Variants in STOX2 observed in about 807,000 individuals in gnomAD.
STOX2 encodes the protein storkhead-box protein 2.
STOX2 carries 28 observed loss-of-function variants against 60.9 expected under a neutral mutation model. The observed-to-expected ratio is 0.46, with a 90% CI of 0.34 to 0.63. The LOEUF (loss-of-function observed/expected upper bound fraction) is 0.63. Among genes scored for constraint, STOX2 ranks in the 30% least tolerant of loss-of-function variants. The pLI is 0.01. For missense variants in STOX2, 1,024 were observed against 1,187.7 expected (o/e 0.86, Z 2.03); for synonymous variants, 472 against 463.9 (o/e 1.02, Z -0.22).
At chr4:183,831,960 C>T (rs1450959237) in intron 1 of STOX2, among the ~76,000 whole-genome samples, 1 of 149,946 alleles carries the variant, frequency 6.7e-6, no homozygotes, top group Non-Finnish European at 1.5e-5. Context: ...CTGGTGAATT[C>T]TGCAGTTCAT....
Position 183,856,141 on chromosome 4 carries a change from G to T in STOX2, c.364+58086G>T, listed in dbSNP as rs1740280741. On this transcript the variant is annotated intron_variant, in intron 1 of 2. Coordinates refer to the STOX2 transcript ENST00000513034. The surrounding 1 kb of genome is among the most constrained non-coding windows in gnomAD (Gnocchi z 4.0). ...GTGCGCACCCTGGGGTCTCGAATAG[G>T]CTGGTCACAGATTTCTAGGACACTG... 6.6e-6 allele frequency among the ~76,000 whole-genome samples: 1 copy of T among 151,940 alleles called. No homozygotes were observed. The highest frequency in any genetic ancestry group is 1.5e-5 in the Non-Finnish European group (1 of 67,948).
chr4:183,954,541 G>A (rs999763415), intron 1 of STOX2, among the ~76,000 whole-genome samples: 3 of 152,030 alleles, frequency 2.0e-5, no homozygotes, highest in African/African-American at 7.2e-5. Flanking sequence ...ACCCTCCTCG[G>A]CCTCCCAAAG....
chr4:184,021,238 A>G lies in STOX2; in HGVS notation c.*3954A>G, dbSNP rs1278203428. 1.3e-5 allele frequency: 2 copies of G among 152,232 alleles called. No individual in the cohort carries two copies. Among genetic ancestry groups the G allele is most frequent in the East Asian group, 3.8e-4 (2 of 5,204 alleles). 9.4% of individuals were successfully genotyped at this position (152,232 alleles called of 1,614,324 possible). On this transcript the variant is annotated 3_prime_UTR_variant, in exon 4 of 4. Transcript: ENST00000308497. ...TTACAAACAATTCACAAGACAGGTC[A>G]TCTTTGTAATACGCATACTTACAAC...
intron 1 of STOX2, among the ~76,000 whole-genome samples, chr4:183,892,371 C>T (rs1027721903): frequency 8.5e-5 from 13 of 152,168 alleles, no homozygotes; most frequent in Non-Finnish European, 1.5e-4. Flanking sequence ...CTCCGCCTCC[C>T]GGGTTCACGC....
At chr4:183,913,828 A>T (rs1383569073) in intron 1 of STOX2, among the ~76,000 whole-genome samples, 3 of 152,068 alleles carry the variant, frequency 2.0e-5, no homozygotes, top group Admixed American at 2.0e-4. Context: ...GTGTCCCAGC[A>T]CTGCTAGGTA....
At chr4:183,992,946 C>T (rs758252838) in intron 1 of STOX2, among the ~76,000 whole-genome samples, 3 of 152,226 alleles carry the variant, frequency 2.0e-5, no homozygotes, top group Admixed American at 6.5e-5. Context: ...GCGTTAATTA[C>T]GAAATTAACC....
intron 1 of STOX2, among the ~76,000 whole-genome samples, chr4:183,909,047 C>T (rs1039865902): frequency 3.3e-5 from 5 of 152,136 alleles, no homozygotes; most frequent in African/African-American, 1.2e-4. Context: ...GAATAAGAAG[C>T]AGGTGTTGCT....
In STOX2 at chr4:184,010,479, G is replaced by C; in HGVS notation, c.1641G>C (p.Ser547=). The C allele has an allele frequency of 6.2e-7, 1 of 1,613,754 alleles. No individual in the cohort carries two copies. Among genetic ancestry groups the C allele is most frequent in the Admixed American group, 1.7e-5 (1 of 60,006 alleles). Residue 547 remains serine (S), a synonymous_variant, in exon 3 of 4, where the codon TCG becomes TCC. Transcript: ENST00000308497. This position sits in a 1 kb window ranked among gnomAD's most constrained non-coding sequence, Gnocchi z 4.5. ...QTVSLQRAHI[S]STSYKEVCIP... is the part of the protein sequence containing the mutation. ...TTAGTCTCCAAAGGGCTCACATTTC[G>C]TCCACAAGCTATAAAGAGGTGTGTA... is the stretch of plus-strand genomic sequence containing the variant.
chr4:183,929,642 G>A (rs1383166656), intron 1 of STOX2, among the ~76,000 whole-genome samples: 1 of 152,136 alleles, frequency 6.6e-6, no homozygotes, highest in Non-Finnish European at 1.5e-5. Flanking sequence ...AGAGGCTCTT[G>A]CAGGGGATTC....
intron 1 of STOX2, among the ~76,000 whole-genome samples, chr4:183,965,280 A>G (rs570674447): frequency 1.3e-5 from 2 of 152,314 alleles, no homozygotes; most frequent in East Asian, 3.9e-4. Context: ...AGAACAAATT[A>G]GCTTTAATCC....
At chr4:183,926,201 C>T (rs1295883021) in intron 1 of STOX2, among the ~76,000 whole-genome samples, 1 of 151,550 alleles carries the variant, frequency 6.6e-6, no homozygotes, top group Non-Finnish European at 1.5e-5. Context: ...ATAAAACAGT[C>T]AAGATACATT....
In STOX2 at chr4:183,814,634, T is replaced by G. The variant is rs1045986229; in HGVS notation, c.364+16579T>G. Among the ~76,000 whole-genome samples the G allele has an allele frequency of 2.1e-4, 32 of 152,274 alleles. 1 individual carries two copies. The highest frequency in any genetic ancestry group is 2.0e-3 in the Admixed American group (31 of 15,292). Reference sequence around the variant, plus strand: ...ATAGATAAATGAGTGAGCAAACAAATACATGCCCCGTGGCCCACCTCCTGA... The same window carrying G: ...ATAGATAAATGAGTGAGCAAACAAAGACATGCCCCGTGGCCCACCTCCTGA... On this transcript the variant is annotated intron_variant, in intron 1 of 2. Transcript: ENST00000513034.
chr4:183,974,653 A>G (rs1255368739), intron 1 of STOX2, among the ~76,000 whole-genome samples: 1 of 152,194 alleles, frequency 6.6e-6, no homozygotes, highest in Non-Finnish European at 1.5e-5. Context: ...GTTCACCATG[A>G]TGACATAACA....
intron 1 of STOX2, among the ~76,000 whole-genome samples, chr4:183,977,477 C>T (rs1474781737): frequency 6.6e-6 from 1 of 151,818 alleles, no homozygotes; most frequent in African/African-American, 2.4e-5. Context: ...TCCAGTTCCA[C>T]CCATGTTGCT....
chr4:183,998,451 G>A (rs200910659), intron 1 of STOX2, among the ~76,000 whole-genome samples: 3 of 152,170 alleles, frequency 2.0e-5, no homozygotes, highest in Admixed American at 6.5e-5. Flanking sequence ...TAGGGCCTGC[G>A]GTACGGAGGG....
chr4:183,922,471 G>A (rs78490943), intron 1 of STOX2, among the ~76,000 whole-genome samples: 2 of 151,440 alleles, frequency 1.3e-5, no homozygotes, highest in African/African-American at 4.9e-5. Context: ...TCAGCCTCCC[G>A]AGTAGCTGGG....
intron 1 of STOX2, among the ~76,000 whole-genome samples, chr4:183,960,504 A>G (rs1743380793): frequency 6.6e-6 from 1 of 152,244 alleles, no homozygotes. Context: ...TATTCTAAAA[A>G]AAGAGATAAC....
Position 183,905,383 on chromosome 4 carries a change from C to T in STOX2, c.-1408C>T, listed in dbSNP as rs1466490686. 6.6e-6 allele frequency: 1 copy of T among 152,504 alleles called. No homozygotes were observed. The highest frequency in any genetic ancestry group is 2.4e-5 in the African/African-American group (1 of 41,474). The allele number at this position is 152,504 out of a possible 1,614,324, so 9.4% of individuals were successfully genotyped here. A position where few individuals can be genotyped will look rare whatever the true frequency, so the allele number is the denominator to read the frequency against. On this transcript the variant is annotated 5_prime_UTR_variant, in exon 1 of 4. Transcript: ENST00000308497. ...AGCGTAGCGGGCTGGCGGTGACTTA[C>T]ACCGGGACTCCAGAGGGAGAGAGGA... is the stretch of plus-strand genomic sequence containing the variant.
At chr4:183,841,347 T>C (rs1368910196) in intron 1 of STOX2, among the ~76,000 whole-genome samples, 1 of 151,964 alleles carries the variant, frequency 6.6e-6, no homozygotes. Context: ...GTACTGTAGG[T>C]GCATGCCACC....
Sources: gnomAD v4.1 joint callset for allele counts (sites outside exome capture counted in the v4.1 genomes callset) on GRCh38, gnomAD v4.1.1 for gene constraint, Gnocchi (gnomAD v3.1) non-coding constraint, MANE v1.5 for transcripts, NCBI Gene and HGNC (gene_info 2026-07-23, HGNC 2026-07-21) for gene names.